The following C19orf12 variants were observed in gnomAD, a reference collection of about 807,000 sequenced individuals.
The protein encoded by C19orf12 is chromosome 19 open reading frame 12, also known as protein C19orf12.
Under a neutral mutation model 3.8 loss-of-function variants are expected in C19orf12, and 2 were observed. The ratio of observed to expected loss-of-function variants is 0.53; its 90% CI spans 0.22 to 1.66. C19orf12 has a LOEUF of 1.66. Ranked by LOEUF, C19orf12 falls within the 40% of genes most tolerant of loss-of-function variation. The pLI, the probability that C19orf12 is intolerant of heterozygous loss-of-function variation, is 0.20. For synonymous variants in C19orf12, 89 were observed against 84.6 expected (o/e 1.05, Z -0.28); for missense variants, 156 against 188.8 (o/e 0.83, Z 1.02).
rs62105839 is a variant in C19orf12 at position 29,699,206 on chromosome 19, G to A, written c.*3506C>T. 22 of 453,496 alleles carry A rather than the reference G, an allele frequency of 4.9e-5. No individual in the cohort carries two copies. Among genetic ancestry groups the A allele is most frequent in the South Asian group, 1.7e-4 (11 of 64,414 alleles). 28.1% of individuals were successfully genotyped at this position (453,496 alleles called of 1,614,324 possible). Reference sequence around the variant, plus strand: ...ACATAGGCCGGGCGCAGTGGCTCACGCCTGTAATCCCAGCACTTTGGGAGG... The same window carrying A: ...ACATAGGCCGGGCGCAGTGGCTCACACCTGTAATCCCAGCACTTTGGGAGG... On this transcript the variant is annotated 3_prime_UTR_variant, in exon 3 of 3. Coordinates refer to ENST00000323670, the MANE Select transcript of C19orf12 (RefSeq NM_031448.6).
At chr19:29,703,038 G>A (rs887363485) in intron 2 of C19orf12, 61 bp from the exon 3 acceptor site, 4 of 1,607,660 alleles carry the variant, frequency 2.5e-6, no homozygotes, top group Admixed American at 1.7e-5. Flanking sequence ...CCTTACTTAA[G>A]TTCCCACTGA....
Position 29,702,108 on chromosome 19 carries a change from T to C in C19orf12, c.*604A>G, listed in dbSNP as rs1175204459. On this transcript the variant is annotated 3_prime_UTR_variant, in exon 3 of 3. Coordinates refer to ENST00000323670, the MANE Select transcript of C19orf12 (RefSeq NM_031448.6). The stretch of plus-strand genomic sequence containing the variant: ...GGGCGAGTCTAGGTGTGCAGCCTAG[T>C]GGGGGCCGGGGTCAAGTCCACTCGG... The C allele has an allele frequency of 2.2e-6, 1 of 450,206 alleles. No individual in the cohort carries two copies. The highest frequency in any genetic ancestry group is 2.4e-5 in the Admixed American group (1 of 42,410). The allele number at this position is 450,206 out of a possible 1,614,324, so 27.9% of individuals were successfully genotyped here. A position where few individuals can be genotyped will look rare whatever the true frequency, so the allele number is the denominator to read the frequency against.
At position 29,699,140 on chromosome 19, in the gene C19orf12, G is replaced by A. The variant is rs1268914619; in HGVS notation, c.*3572C>T. ...ATTCATTGATACAGGTGTTCAAAGG[G>A]GCATATAGGATAAGAAGGCAAGTAC... On this transcript the variant is annotated 3_prime_UTR_variant, in exon 3 of 3. Transcript: ENST00000323670. The A allele has an allele frequency of 1.1e-5, 5 of 453,606 alleles. No individual in the cohort carries two copies. The highest frequency in any genetic ancestry group is 9.4e-5 in the Admixed American group (4 of 42,492). The allele number at this position is 453,606 out of a possible 1,614,324, so 28.1% of individuals were successfully genotyped here. A position where few individuals can be genotyped will look rare whatever the true frequency, so the allele number is the denominator to read the frequency against.
rs1972489679 is a variant in C19orf12 at position 29,708,337 on chromosome 19, T to C, written c.77A>G (p.Lys26Arg). 1 of 1,613,954 alleles carries C rather than the reference T, an allele frequency of 6.2e-7. No individual in the cohort carries two copies. The highest frequency in any genetic ancestry group is 1.3e-5 in the African/African-American group (1 of 74,928). Residue 26 changes from lysine (K) to arginine (R), a missense_variant, in exon 2 of 3, where the codon AAG becomes AGG. Physicochemically the swap from Lys to Arg is conservative, Grantham distance 26. Transcript: ENST00000323670. ...SGERKMKAAV[K>R]HSGKGALVTG... Reference sequence around the variant, plus strand: ...GACCAGGGCACCCTTCCCAGAGTGCTTGACAGCCGCCTTCATCTTCCTCTC... The same window carrying C: ...GACCAGGGCACCCTTCCCAGAGTGCCTGACAGCCGCCTTCATCTTCCTCTC...
chr19:29,706,712 T>C (rs1208540406), intron 2 of C19orf12, among the ~76,000 whole-genome samples: 2 of 151,984 alleles, frequency 1.3e-5, no homozygotes, highest in African/African-American at 2.4e-5. Flanking sequence ...GAAAGGAAAA[T>C]ATGGAAAGGG....
chr19:29,702,330 T>C lies in C19orf12; in HGVS notation c.*382A>G, dbSNP rs1246290984. On this transcript the variant is annotated 3_prime_UTR_variant, in exon 3 of 3. Coordinates refer to ENST00000323670, the MANE Select transcript of C19orf12 (RefSeq NM_031448.6). ...TCTGAAGAGGAGTCATCTCCCAAGA[T>C]GAGAAGGCCCCGGGGGGAGGATGAA... is the stretch of plus-strand genomic sequence containing the variant. 2.1e-6 allele frequency: 1 copy of C among 472,948 alleles called. No homozygotes were observed. Among genetic ancestry groups the C allele is most frequent in the Admixed American group, 2.3e-5 (1 of 43,066 alleles). The allele number at this position is 472,948 out of a possible 1,614,324, so 29.3% of individuals were successfully genotyped here.
chr19:29,707,984 G>A (rs1972468034), intron 2 of C19orf12, among the ~76,000 whole-genome samples: 1 of 150,870 alleles, frequency 6.6e-6, no homozygotes, highest in African/African-American at 2.4e-5. Context: ...CGATTCTCCT[G>A]CCTCAGCCTC....
rs189583708 is a variant in C19orf12, at chr19:29,707,127, C to T, written c.160+1127G>A. Among the ~76,000 whole-genome samples, 31 of 152,302 alleles carry T rather than the reference C, an allele frequency of 2.0e-4. No homozygotes were observed. The East Asian group carries it at 2.3e-3, about 11-fold the overall frequency. On this transcript the variant is annotated intron_variant, in intron 2 of 2. Transcript: ENST00000323670. ...ATCCTAGCACTTCGGGAGGCCCAGG[C>T]GGGTGGATCGCTTGTGGCCAGGAGT...
chr19:29,714,604 G>T (rs552674348), intron 1 of C19orf12, among the ~76,000 whole-genome samples: 1 of 152,096 alleles, frequency 6.6e-6, no homozygotes, highest in African/African-American at 2.4e-5. Flanking sequence ...TTCCCATATG[G>T]CTCAGCCCAG....
upstream of C19orf12, chr19:29,715,293 G>A: frequency 2.5e-6 from 1 of 398,644 alleles, no homozygotes. Flanking sequence ...TTCCGGCTGC[G>A]CCGGGCCTTC....
Position 29,701,423 on chromosome 19 carries a change from T to A in C19orf12, c.*1289A>T. On this transcript the variant is annotated 3_prime_UTR_variant, in exon 3 of 3. Transcript: ENST00000323670. Reference sequence around the variant, plus strand: ...CTTATAATACCAAATACAATATAAATGCTATGTAAATATGCTACACCATAT... The same window carrying A: ...CTTATAATACCAAATACAATATAAAAGCTATGTAAATATGCTACACCATAT... The A allele has an allele frequency of 2.2e-6, 1 of 454,096 alleles. No individual in the cohort carries two copies. The highest frequency in any genetic ancestry group is 4.4e-6 in the Non-Finnish European group (1 of 226,784). The allele number at this position is 454,096 out of a possible 1,614,324, so 28.1% of individuals were successfully genotyped here.
At position 29,708,243 on chromosome 19, in the gene C19orf12, C is replaced by T. The variant is rs747390534; in HGVS notation, c.160+11G>A. On this transcript the variant is annotated intron_variant, in intron 2 of 2. Coordinates refer to ENST00000323670, the MANE Select transcript of C19orf12 (RefSeq NM_031448.6). ...CGAGGCTGGCTATCTCTGTGAGACA[C>T]CTGCACTTACCAACGGCGAGTCCCG... 1.2e-6 allele frequency: 2 copies of T among 1,610,190 alleles called. No homozygotes were observed. The highest frequency in any genetic ancestry group is 2.2e-5 in the South Asian group (2 of 91,048).
Position 29,699,249 on chromosome 19 carries a change from C to T in C19orf12, c.*3463G>A, listed in dbSNP as rs150123154. 44,155 of 450,000 alleles carry T rather than the reference C, an allele frequency of 0.098. 3,736 individuals carry two copies. Among genetic ancestry groups the T allele is most frequent in the African/African-American group, 0.32 (16,094 of 49,760 alleles). The allele number at this position is 450,000 out of a possible 1,614,324, so 27.9% of individuals were successfully genotyped here. A position where few individuals can be genotyped will look rare whatever the true frequency, so the allele number is the denominator to read the frequency against. On this transcript the variant is annotated 3_prime_UTR_variant, in exon 3 of 3. Transcript: ENST00000323670. ...TTGGGAGGCTGAGGTGGGCAGATCACGAGGTAAGGAGATTGAGACCATCCT... is the reference window on the plus strand; with the variant it reads ...TTGGGAGGCTGAGGTGGGCAGATCATGAGGTAAGGAGATTGAGACCATCCT...
Position 29,701,342 on chromosome 19 carries a change from C to A in C19orf12, c.*1370G>T, listed in dbSNP as rs551332454. 3 of 454,076 alleles carry A rather than the reference C, an allele frequency of 6.6e-6. No homozygotes were observed. The highest frequency in any genetic ancestry group is 4.7e-5 in the South Asian group (3 of 64,470). 28.1% of individuals were successfully genotyped at this position (454,076 alleles called of 1,614,324 possible). On this transcript the variant is annotated 3_prime_UTR_variant, in exon 3 of 3. Transcript: ENST00000323670. ...AAGTCCCTGATGGGCAATGGCATAG[C>A]GTTTGCACGTAACCTACGCACACCT...
intron 2 of C19orf12, among the ~76,000 whole-genome samples, chr19:29,703,483 C>T (rs904268476): frequency 3.3e-5 from 5 of 149,864 alleles, no homozygotes; most frequent in Admixed American, 1.3e-4. Flanking sequence ...CAGGTTCAAG[C>T]GATTCTCCCA....
In C19orf12 at chr19:29,702,007, C is replaced by T. The variant is rs1183590295; in HGVS notation, c.*705G>A. 2.2e-6 allele frequency: 1 copy of T among 453,134 alleles called. No homozygotes were observed. The highest frequency in any genetic ancestry group is 6.9e-5 in the East Asian group (1 of 14,390). The allele number at this position is 453,134 out of a possible 1,614,324, so 28.1% of individuals were successfully genotyped here. A position where few individuals can be genotyped will look rare whatever the true frequency, so the allele number is the denominator to read the frequency against. On this transcript the variant is annotated 3_prime_UTR_variant, in exon 3 of 3. Transcript: ENST00000323670. ...CTCCGAGATATACCTGTACTTTTTA[C>T]TAAAAATATTTCATTTGAGAAGTAA...
At chr19:29,712,628 C>G (rs780016159) in intron 1 of C19orf12, among the ~76,000 whole-genome samples, 1 of 152,106 alleles carries the variant, frequency 6.6e-6, no homozygotes, top group African/African-American at 2.4e-5. Context: ...CTCAGAAATT[C>G]GCACCTTATG....
At chr19:29,714,986 G>C (rs1355713069) in intron 1 of C19orf12, 139 bp downstream of exon 1, 2 of 713,606 alleles carry the variant, frequency 2.8e-6, no homozygotes, top group African/African-American at 3.5e-5. Flanking sequence ...CCCGGCACCG[G>C]GAGGGCCGGG....
intron 2 of C19orf12, among the ~76,000 whole-genome samples, chr19:29,703,768 A>G (rs1436359253): frequency 6.6e-6 from 1 of 152,016 alleles, no homozygotes. Context: ...GGGCAGGTGG[A>G]TCACCTGAGG....
Sources: gnomAD v4.1 joint callset for allele counts (sites outside exome capture counted in the v4.1 genomes callset) on GRCh38, gnomAD v4.1.1 for gene constraint, MANE v1.5 for transcripts, NCBI Gene and HGNC (gene_info 2026-07-23, HGNC 2026-07-21) for gene names.